TUBB8: variants seen among roughly 807,000 people sequenced by gnomAD.
TUBB8 encodes the protein tubulin beta-8 chain.
Under a neutral mutation model 33.7 loss-of-function variants are expected in TUBB8, and 25 were observed. That is an observed-to-expected ratio of 0.74 (90% CI 0.54 to 1.04). The LOEUF (loss-of-function observed/expected upper bound fraction) is 1.04. TUBB8 is among the 50% of genes least tolerant of loss of function. TUBB8 has a pLI of 0.00. For missense variants in TUBB8, 279 were observed against 608.0 expected (o/e 0.46, Z 5.69); for synonymous variants, 245 against 240.1 (o/e 1.02, Z -0.19).
intron 1 of TUBB8, among the ~76,000 whole-genome samples, chr10:55,894 T>C (rs1834524416): frequency 6.6e-6 from 1 of 152,280 alleles, no homozygotes; most frequent in African/African-American, 2.4e-5. Context: ...TATAGCTTGA[T>C]AGTATAATTT....
chr10:47,126 A>G lies in TUBB8; in HGVS notation c.1266T>C (p.Tyr422=). ...CGGCCGTGGCATCCTGATATTGCTG[A>G]TATTCAGACACCAGGTCGTTCATGT... The part of the protein sequence containing the change: ...ESNMNDLVSE[Y]QQYQDATAEE... The change falls in exon 4 of 4, where the codon TAT becomes TAC. Residue 422 remains tyrosine (Y), a synonymous_variant. Coordinates refer to ENST00000568584, the MANE Select transcript of TUBB8 (RefSeq NM_177987.3). 6.5e-7 allele frequency: 1 copy of G among 1,535,908 alleles called. No individual in the cohort carries two copies. The highest frequency in any genetic ancestry group is 1.1e-5 in the South Asian group (1 of 89,164).
Position 49,243 on chromosome 10 carries a change from A to C in TUBB8, c.-5T>G. The C allele has an allele frequency of 6.3e-7, 1 of 1,583,228 alleles. No individual in the cohort carries two copies. The highest frequency in any genetic ancestry group is 8.6e-7 in the Non-Finnish European group (1 of 1,165,230). On this transcript the variant is annotated 5_prime_UTR_variant, in exon 1 of 4. Coordinates refer to ENST00000568584, the MANE Select transcript of TUBB8 (RefSeq NM_177987.3). ...CGTGAGCACGATCTCCCTCATGGCC[A>C]AGGCGGGATTAGGACGGCAGGAGAA...
intron 1 of TUBB8, among the ~76,000 whole-genome samples, chr10:63,392 T>C (rs180712795): frequency 6.6e-6 from 1 of 152,368 alleles, no homozygotes; most frequent in Non-Finnish European, 1.5e-5. Context: ...TGTTTAACTC[T>C]TATCTCTTTT....
chr10:65,933 G>A (rs1384418692), intron 1 of TUBB8, among the ~76,000 whole-genome samples: 1 of 152,206 alleles, frequency 6.6e-6, no homozygotes, highest in Non-Finnish European at 1.5e-5. Context: ...AATAGATGCA[G>A]GAAGTACTTT....
chr10:50,598 C>A (rs1352090217), upstream of TUBB8, among the ~76,000 whole-genome samples: 2 of 152,192 alleles, frequency 1.3e-5, no homozygotes, highest in African/African-American at 2.4e-5. Flanking sequence ...CTCTAACAAG[C>A]TCAAAATCTG....
At chr10:63,482 C>G (rs12259357) in intron 1 of TUBB8, among the ~76,000 whole-genome samples, 2 of 136,696 alleles carry the variant, frequency 1.5e-5, no homozygotes, top group Non-Finnish European at 3.2e-5. Context: ...ATGCTTTATT[C>G]TTTATTCTTT....
At chr10:53,020 A>T (rs1403656100), upstream of TUBB8, among the ~76,000 whole-genome samples, 2 of 152,254 alleles carry the variant, frequency 1.3e-5, no homozygotes, top group African/African-American at 4.8e-5. Flanking sequence ...GTACTCAAAG[A>T]TTTCTCAGGA....
At chr10:70,394 T>C (rs1192375303) in intron 1 of TUBB8, among the ~76,000 whole-genome samples, 7 of 152,240 alleles carry the variant, frequency 4.6e-5, no homozygotes, top group Non-Finnish European at 8.8e-5. Flanking sequence ...TAACTCGTCA[T>C]TGAGCATTAG....
At chr10:50,606 C>G (rs1834455309), upstream of TUBB8, among the ~76,000 whole-genome samples, 1 of 152,214 alleles carries the variant, frequency 6.6e-6, no homozygotes, top group Admixed American at 6.5e-5. Context: ...AGCTCAAAAT[C>G]TGAACGATGT....
intron 1 of TUBB8, among the ~76,000 whole-genome samples, chr10:68,790 TCTAC>T (rs1462041743): frequency 6.6e-6 from 1 of 152,244 alleles, no homozygotes; most frequent in Non-Finnish European, 1.5e-5. Flanking sequence ...ATACAAGGTC[TCTAC>T]CTGACAATCC....
At chr10:64,403 G>A (rs373673887) in intron 1 of TUBB8, among the ~76,000 whole-genome samples, 7,457 of 132,550 alleles carry the variant, frequency 0.056, no homozygotes, top group African/African-American at 0.12. Context: ...CCTAACCACT[G>A]ACCCCAACCC....
At chr10:67,310 A>G (rs1474110421) in intron 1 of TUBB8, among the ~76,000 whole-genome samples, 1 of 152,218 alleles carries the variant, frequency 6.6e-6, no homozygotes, top group Non-Finnish European at 1.5e-5. Flanking sequence ...TGCCACCTTA[A>G]GAATTATTAA....
rs1167266826 is a variant in TUBB8, at chr10:49,000, C to T, written c.58-88G>A. 24 of 1,257,776 alleles carry T rather than the reference C, an allele frequency of 1.9e-5. No homozygotes were observed. The South Asian group carries it at 2.6e-4, about 14-fold the overall frequency. The allele number at this position is 1,257,776 out of a possible 1,614,324, so 77.9% of individuals were successfully genotyped here. ...TCCCACCCCCACCCTCATCCGCACC[C>T]CCATCCCTAGGCCGCCCTGTCCCTG... is the stretch of plus-strand genomic sequence containing the variant. On this transcript the variant is annotated intron_variant, in intron 1 of 3. Coordinates refer to ENST00000568584, the MANE Select transcript of TUBB8 (RefSeq NM_177987.3).
At chr10:61,628 G>A (rs61840116) in intron 1 of TUBB8, among the ~76,000 whole-genome samples, 21,580 of 123,962 alleles carry the variant, frequency 0.17, no homozygotes, top group African/African-American at 0.31. Flanking sequence ...GTTATACAGT[G>A]CAGATTAAGT....
chr10:51,659 C>T (rs548256906), upstream of TUBB8, among the ~76,000 whole-genome samples: 51 of 151,700 alleles, frequency 3.4e-4, no homozygotes, highest in African/African-American at 9.9e-4. Context: ...GGGTTTATGG[C>T]TTGGCAGGCT....
At chr10:68,640 A>G (rs1481311923) in intron 1 of TUBB8, among the ~76,000 whole-genome samples, 2 of 152,352 alleles carry the variant, frequency 1.3e-5, no homozygotes, top group Non-Finnish European at 2.9e-5. Flanking sequence ...GGAATCTTGC[A>G]ATAGCAGTGT....
At chr10:71,924 T>A (rs1218080691) in intron 1 of TUBB8, among the ~76,000 whole-genome samples, 1 of 98,994 alleles carries the variant, frequency 1.0e-5, no homozygotes, top group Non-Finnish European at 2.0e-5. Flanking sequence ...AAAAAAAAAA[T>A]CAATCAATAA....
upstream of TUBB8, among the ~76,000 whole-genome samples, chr10:76,592 T>A (rs1270683780): frequency 2.0e-5 from 3 of 151,970 alleles, no homozygotes; most frequent in Non-Finnish European, 4.4e-5. Context: ...GTCCTCACAG[T>A]GGACGCCCCA....
chr10:71,431 C>T (rs1214576128), intron 1 of TUBB8, among the ~76,000 whole-genome samples: 2 of 149,400 alleles, frequency 1.3e-5, no homozygotes, highest in African/African-American at 2.5e-5. Flanking sequence ...GTCAGGAGTT[C>T]GAGACAAGCC....
Sources: gnomAD v4.1 joint callset for allele counts (sites outside exome capture counted in the v4.1 genomes callset) on GRCh38, gnomAD v4.1.1 for gene constraint, MANE v1.5 for transcripts, NCBI Gene and HGNC (gene_info 2026-07-23, HGNC 2026-07-21) for gene names.